The following EBF4 variants were observed in gnomAD, a reference collection of about 807,000 sequenced individuals.
The protein encoded by EBF4 is EBF transcription factor 4.
EBF4 carries 34 observed loss-of-function variants against 67.1 expected under a neutral mutation model. That is an observed-to-expected ratio of 0.51 (90% CI 0.39 to 0.67). The LOEUF (loss-of-function observed/expected upper bound fraction) is 0.67. Among genes scored for constraint, EBF4 ranks in the 30% least tolerant of loss-of-function variants. The pLI is 0.00. For synonymous variants in EBF4, 387 were observed against 377.7 expected, an observed-to-expected ratio of 1.02 and a Z score of -0.29; for missense variants, 837 against 873.3, an observed-to-expected ratio of 0.96 and a Z score of 0.52.
intron 6 of EBF4, among the ~76,000 whole-genome samples, chr20:2,723,863 A>G (rs543357269): frequency 6.6e-6 from 1 of 151,952 alleles, no homozygotes; most frequent in South Asian, 2.1e-4. Flanking sequence ...TTCCACTTCT[A>G]TGTTTCTTTG....
chr20:2,735,204 G>T (rs1433513813), intron 6 of EBF4, among the ~76,000 whole-genome samples: 1 of 152,176 alleles, frequency 6.6e-6, no homozygotes, highest in Non-Finnish European at 1.5e-5. Flanking sequence ...AAATAAAGCT[G>T]TCAGGGAGTT....
chr20:2,695,234 G>C (rs1184213215), intron 1 of EBF4, among the ~76,000 whole-genome samples: 2 of 151,982 alleles, frequency 1.3e-5, no homozygotes, highest in Admixed American at 6.6e-5. Context: ...GAGTGCTGAT[G>C]GGGGCCTCTG....
At chr20:2,740,462 G>C (rs190636504) in intron 6 of EBF4, among the ~76,000 whole-genome samples, 1 of 152,202 alleles carries the variant, frequency 6.6e-6, no homozygotes, top group Non-Finnish European at 1.5e-5. Flanking sequence ...ATCTAGACAC[G>C]TTCTTCCTTG....
upstream of EBF4, chr20:2,693,564 C>A: frequency 7.8e-7 from 1 of 1,289,210 alleles, no homozygotes; most frequent in Non-Finnish European, 9.8e-7. The surrounding 1 kb of genome is among the most constrained non-coding windows in gnomAD (Gnocchi z 4.6). Context: ...CTGGTGCCGT[C>A]GGGTCGGGCT....
chr20:2,695,224 G>T (rs1218499726), intron 1 of EBF4, among the ~76,000 whole-genome samples: 1 of 151,990 alleles, frequency 6.6e-6, no homozygotes, highest in African/African-American at 2.4e-5. Context: ...AGTGGGTGAG[G>T]AGTGCTGATG....
At position 2,703,256 on chromosome 20, in the gene EBF4, TAAA is replaced by T. The variant is rs58171984; in HGVS notation, c.138-2300_138-2298del. Among the ~76,000 whole-genome samples the T allele has an allele frequency of 9.8e-3, 1,120 of 114,106 alleles. 13 individuals carry two copies. The highest frequency in any genetic ancestry group is 0.028 in the African/African-American group (849 of 30,808). 74.9% of individuals were successfully genotyped at this position (114,106 alleles called of 152,430 possible). A position where few individuals can be genotyped will look rare whatever the true frequency, so the allele number is the denominator to read the frequency against. ...TGGACAACAGAGCAAGACCCTGTCT[TAAA>T]AAAAAAAAAAAAAAAAAAAAGTTAC... is the stretch of plus-strand genomic sequence containing the variant. On this transcript the variant is annotated intron_variant, in intron 1 of 16. Transcript: ENST00000609451.
chr20:2,749,250 A>G, intron 7 of EBF4, 151 bp from the exon 8 acceptor site: 2 of 595,456 alleles, frequency 3.4e-6, no homozygotes, highest in Non-Finnish European at 5.8e-6. Flanking sequence ...CCACCAGCTC[A>G]GACACTGCAG....
At chr20:2,744,492 C>CTTTTTTTTT (rs35298353) in intron 6 of EBF4, among the ~76,000 whole-genome samples, 3 of 115,882 alleles carry the variant, frequency 2.6e-5, no homozygotes, top group African/African-American at 6.7e-5. Flanking sequence ...TTTTTCTTTT[C>CTTTTTTTTT]TTTTTTTTTT....
At chr20:2,697,284 G>A (rs1208312275) in intron 1 of EBF4, among the ~76,000 whole-genome samples, 4 of 152,016 alleles carry the variant, frequency 2.6e-5, no homozygotes, top group African/African-American at 7.2e-5. Context: ...GATGGCTCAC[G>A]CCTGTAATCC....
intron 6 of EBF4, among the ~76,000 whole-genome samples, chr20:2,740,918 G>A (rs1303364882): frequency 6.6e-6 from 1 of 152,030 alleles, no homozygotes; most frequent in Admixed American, 6.6e-5. Context: ...GATTACCTTG[G>A]GGCAGCTGCG....
chr20:2,749,391 C>G lies in EBF4; in HGVS notation c.640-10C>G. On this transcript the variant is annotated splice_polypyrimidine_tract_variant and intron_variant, in intron 7 of 16. Coordinates refer to ENST00000609451, the Ensembl canonical transcript of EBF4. ...GGCCCCAGCCAGGCTGGCCTCGGCT[C>G]TCCCCGCAGGTGGTGGTGTCCACGA... The G allele has an allele frequency of 6.6e-7, 1 of 1,522,572 alleles. No individual in the cohort carries two copies. The allele number at this position is 1,522,572 out of a possible 1,614,324, so 94.3% of individuals were successfully genotyped here. A position where few individuals can be genotyped will look rare whatever the true frequency, so the allele number is the denominator to read the frequency against.
At chr20:2,703,303 G>A (rs1050586713) in intron 1 of EBF4, among the ~76,000 whole-genome samples, 1 of 150,430 alleles carries the variant, frequency 6.6e-6, no homozygotes, top group East Asian at 1.9e-4. Context: ...GAGTATGGTG[G>A]CTCACACCTG....
At chr20:2,736,065 G>T (rs555172605) in intron 6 of EBF4, among the ~76,000 whole-genome samples, 1 of 152,320 alleles carries the variant, frequency 6.6e-6, no homozygotes, top group South Asian at 2.1e-4. Context: ...ATATTTAATT[G>T]TGTTTAATTT....
At position 2,752,416 on chromosome 20, in the gene EBF4, C is replaced by T; in HGVS notation, c.1411C>T (p.Gln471Ter). The T allele has an allele frequency of 7.7e-7, 1 of 1,296,330 alleles. No individual in the cohort carries two copies. Among genetic ancestry groups the T allele is most frequent in the Non-Finnish European group, 9.8e-7 (1 of 1,023,030 alleles). The allele number at this position is 1,296,330 out of a possible 1,614,324, so 80.3% of individuals were successfully genotyped here. Reference sequence around the variant, plus strand: ...CGGGTTCGCGCCCAGCCCCGGCTCGCAGCAGAGCGGCTACGGCGGCGGCCT... The same window carrying T: ...CGGGTTCGCGCCCAGCCCCGGCTCGTAGCAGAGCGGCTACGGCGGCGGCCT... The change falls in exon 14 of 17, where the codon CAG (glutamine) becomes TAG (stop). Residue 471 changes from glutamine to a stop codon, truncating the protein, a stop_gained. Transcript: ENST00000609451. LOFTEE classifies it high-confidence loss of function.
At chr20:2,735,812 A>G (rs559988079) in intron 6 of EBF4, among the ~76,000 whole-genome samples, 8 of 152,338 alleles carry the variant, frequency 5.3e-5, no homozygotes, top group Admixed American at 5.2e-4. Flanking sequence ...GACAAATATA[A>G]TTATGTAAAC....
chr20:2,743,294 C>T (rs1345057800), intron 6 of EBF4, among the ~76,000 whole-genome samples: 1 of 152,194 alleles, frequency 6.6e-6, no homozygotes, highest in East Asian at 1.9e-4. Context: ...GACCAGGCAG[C>T]GGCACCCGGA....
At position 2,707,822 on chromosome 20, in the gene EBF4, G is replaced by T. The variant is rs555058420; in HGVS notation, c.415-125G>T. 2 of 925,332 alleles carry T rather than the reference G, an allele frequency of 2.2e-6. No homozygotes were observed. Among genetic ancestry groups the T allele is most frequent in the Admixed American group, 2.9e-5 (1 of 34,630 alleles). 57.3% of individuals were successfully genotyped at this position (925,332 alleles called of 1,614,324 possible). On this transcript the variant is annotated intron_variant, in intron 4 of 16. Transcript: ENST00000609451. The surrounding 1 kb of genome is among the most constrained non-coding windows in gnomAD (Gnocchi z 4.6). ...GGCAGCCCAGAGCAAGGCAGAGGGCGTGCTCTTCCCTGGGGCAGGGTCTCC... is the reference window on the plus strand; with the variant it reads ...GGCAGCCCAGAGCAAGGCAGAGGGCTTGCTCTTCCCTGGGGCAGGGTCTCC...
At chr20:2,717,206 A>G (rs565023319) in intron 6 of EBF4, among the ~76,000 whole-genome samples, 32 of 152,224 alleles carry the variant, frequency 2.1e-4, no homozygotes, top group Non-Finnish European at 2.5e-4. Context: ...TTCAATAAAT[A>G]TTTATTGAGC....
rs140587055 is a variant in EBF4, at chr20:2,711,727, G to A, written c.557+2085G>A. On this transcript the variant is annotated intron_variant, in intron 6 of 16. Transcript: ENST00000609451. ...AATAGACAAAAAGCCTTGTGTTCACGGGCTTACAATCTGGTAGGGGAAATA... is the reference window on the plus strand; with the variant it reads ...AATAGACAAAAAGCCTTGTGTTCACAGGCTTACAATCTGGTAGGGGAAATA... 1.8e-3 allele frequency among the ~76,000 whole-genome samples: 267 copies of A among 152,224 alleles called. 5 individuals carry two copies. The South Asian group carries it at 0.024, about 14-fold the overall frequency.
Sources: allele counts gnomAD v4.1 joint callset (sites outside exome capture counted in the v4.1 genomes callset), GRCh38; gene constraint gnomAD v4.1.1; non-coding constraint Gnocchi (gnomAD v3.1); transcripts MANE v1.5; gene names NCBI Gene and HGNC (gene_info 2026-07-23, HGNC 2026-07-21).